The following ARK2N variants were observed in gnomAD, a reference collection of about 807,000 sequenced individuals.
ARK2N encodes the protein protein ARK2N.
chr18:46,261,698 C>T, the ARK2N span, among the ~76,000 whole-genome samples: 27 of 152,176 alleles, frequency 1.8e-4, no homozygotes, highest in Non-Finnish European at 5.9e-5. Flanking sequence ...CATCTCTGGA[C>T]AGATGACGGG....
At chr18:46,260,509 C>G in the ARK2N span, among the ~76,000 whole-genome samples, 1 of 152,128 alleles carries the variant, frequency 6.6e-6, no homozygotes, top group Non-Finnish European at 1.5e-5. Context: ...TTTAAAGTAG[C>G]CTAAGCTGGT....
the ARK2N span, among the ~76,000 whole-genome samples, chr18:46,251,621 A>G: frequency 6.6e-6 from 1 of 152,180 alleles, no homozygotes; most frequent in Non-Finnish European, 1.5e-5. Flanking sequence ...ACCCACAATC[A>G]TATTCAAACT....
the ARK2N span, among the ~76,000 whole-genome samples, chr18:46,234,454 C>T: frequency 6.6e-6 from 1 of 152,182 alleles, no homozygotes; most frequent in South Asian, 2.1e-4. Context: ...CCACCTCGGC[C>T]TCCCAAAGTG....
chr18:46,253,462 T>C, the ARK2N span, among the ~76,000 whole-genome samples: 1 of 152,352 alleles, frequency 6.6e-6, no homozygotes, highest in East Asian at 1.9e-4. Flanking sequence ...TTTGAGTTCA[T>C]ACTTTTATGT....
the ARK2N span, among the ~76,000 whole-genome samples, chr18:46,229,530 G>A: frequency 1.8e-4 from 27 of 151,938 alleles, no homozygotes; most frequent in African/African-American, 6.5e-4. Flanking sequence ...TGTATTTTTA[G>A]TAGAGACAGG....
the ARK2N span, among the ~76,000 whole-genome samples, chr18:46,261,902 T>C: frequency 6.6e-6 from 1 of 152,184 alleles, no homozygotes; most frequent in Admixed American, 6.5e-5. Context: ...TAATGTTCTT[T>C]TGAATCTGGT....
chr18:46,192,690 C>T, the ARK2N span, among the ~76,000 whole-genome samples: 2 of 151,630 alleles, frequency 1.3e-5, no homozygotes, highest in Non-Finnish European at 2.9e-5. Flanking sequence ...CCTCAGTCTC[C>T]CAAGTAGAGT....
At chr18:46,252,541 TG>T in the ARK2N span, among the ~76,000 whole-genome samples, 5 of 152,166 alleles carry the variant, frequency 3.3e-5, no homozygotes, top group Non-Finnish European at 7.4e-5. Context: ...CCCAAAGTGC[TG>T]GGATTACAGG....
At chr18:46,208,354 A>C in the ARK2N span, among the ~76,000 whole-genome samples, 1 of 150,636 alleles carries the variant, frequency 6.6e-6, no homozygotes, top group Non-Finnish European at 1.5e-5. Flanking sequence ...AATTAGAATG[A>C]TGCCTTTTTT....
At chr18:46,241,929 G>C in the ARK2N span, among the ~76,000 whole-genome samples, 3 of 151,826 alleles carry the variant, frequency 2.0e-5, no homozygotes, top group Non-Finnish European at 4.4e-5. Flanking sequence ...CGATTCTCCT[G>C]CCTCAGGCTC....
the ARK2N span, chr18:46,253,907 C>T: frequency 2.8e-6 from 4 of 1,429,908 alleles, no homozygotes; most frequent in Non-Finnish European, 3.8e-6. Context: ...AAATGGTAGA[C>T]TTTATGGCAT....
the ARK2N span, among the ~76,000 whole-genome samples, chr18:46,251,083 A>T: frequency 6.6e-6 from 1 of 152,216 alleles, no homozygotes; most frequent in African/African-American, 2.4e-5. Flanking sequence ...CACAGTGCAT[A>T]GCATGTCGCA....
chr18:46,185,045 G>T, the ARK2N span, among the ~76,000 whole-genome samples: 1 of 152,212 alleles, frequency 6.6e-6, no homozygotes, highest in South Asian at 2.1e-4. Flanking sequence ...TACTCTGTGA[G>T]AAATCATGTT....
chr18:46,218,927 C>T, the ARK2N span: 2 of 152,108 alleles, frequency 1.3e-5, no homozygotes, highest in Admixed American at 6.6e-5. Flanking sequence ...AAGTAAAAAC[C>T]GATTATTGCC....
At chr18:46,178,030 T>C in the ARK2N span, among the ~76,000 whole-genome samples, 1 of 152,240 alleles carries the variant, frequency 6.6e-6, no homozygotes, top group Non-Finnish European at 1.5e-5. Context: ...GGCCACCTGG[T>C]GCTTAAGGAG....
the ARK2N span, among the ~76,000 whole-genome samples, chr18:46,180,993 A>G: frequency 2.0e-5 from 3 of 151,514 alleles, no homozygotes; most frequent in Admixed American, 2.0e-4. Context: ...TGGGCATGGT[A>G]ACTCACGCCT....
chr18:46,266,889 A>AT, the ARK2N span: 1 of 152,324 alleles, frequency 6.6e-6, no homozygotes, highest in Non-Finnish European at 1.5e-5. Context: ...TTATATATAT[A>AT]TTTTTTGGTG....
At chr18:46,242,958 G>A in the ARK2N span, among the ~76,000 whole-genome samples, 1 of 152,082 alleles carries the variant, frequency 6.6e-6, no homozygotes, top group African/African-American at 2.4e-5. Flanking sequence ...TTAATATATA[G>A]AGAGAGCATT....
chr18:46,194,619 G>A, the ARK2N span, among the ~76,000 whole-genome samples: 6 of 151,000 alleles, frequency 4.0e-5, no homozygotes, highest in African/African-American at 7.3e-5. Context: ...GACTACAGGC[G>A]TGTGCCACCA....
Sources: gnomAD v4.1 joint callset for allele counts (sites outside exome capture counted in the v4.1 genomes callset) on GRCh38, gnomAD v4.1.1 for gene constraint, MANE v1.5 for transcripts, NCBI Gene and HGNC (gene_info 2026-07-23, HGNC 2026-07-21) for gene names.